WDR70: variants seen among roughly 807,000 people sequenced by gnomAD.
The protein encoded by WDR70 is WD repeat-containing protein 70.
In WDR70, 53 loss-of-function variants were observed where a neutral mutation model predicts 88.6. That is an observed-to-expected ratio of 0.60 (90% CI 0.48 to 0.75). WDR70 has a LOEUF of 0.75. Among genes scored for constraint, WDR70 ranks in the 30% least tolerant of loss-of-function variants. The pLI, the probability that WDR70 is intolerant of heterozygous loss-of-function variation, is 0.00. For synonymous variants in WDR70, 280 were observed against 270.0 expected, an observed-to-expected ratio of 1.04 and a Z score of -0.36; for missense variants, 610 against 823.2, an observed-to-expected ratio of 0.74 and a Z score of 3.17.
At chr5:37,444,515 A>AT (rs1333337101) in intron 7 of WDR70, among the ~76,000 whole-genome samples, 2 of 151,454 alleles carry the variant, frequency 1.3e-5, no homozygotes, top group Non-Finnish European at 2.9e-5. Flanking sequence ...TAATTTTTGT[A>AT]TTTTTTTGGT....
chr5:37,692,778 T>C (rs1387220720), intron 10 of WDR70, among the ~76,000 whole-genome samples: 1 of 152,140 alleles, frequency 6.6e-6, no homozygotes, highest in Non-Finnish European at 1.5e-5. Context: ...GGGCAAAAAC[T>C]GGAAGCATTC....
rs1298996224 is a variant in WDR70, at chr5:37,728,924, C to G, written c.1877+1879C>G. Among the ~76,000 whole-genome samples the G allele has an allele frequency of 2.0e-5, 3 of 152,150 alleles. No homozygotes were observed. The East Asian group carries it at 5.8e-4, about 29-fold the overall frequency. On this transcript the variant is annotated intron_variant, in intron 17 of 17. Coordinates refer to ENST00000265107, the MANE Select transcript of WDR70 (RefSeq NM_018034.4). ...CTGTGTTTATTAATTGGAATTCTAC[C>G]TAGAGGAAAAGTTGTTCCTTCTCCC...
chr5:37,539,651 T>C (rs1741758966), intron 9 of WDR70, among the ~76,000 whole-genome samples: 2 of 152,322 alleles, frequency 1.3e-5, no homozygotes, highest in East Asian at 1.9e-4. Context: ...CTTGCACACA[T>C]GTACAAACCT....
intron 9 of WDR70, among the ~76,000 whole-genome samples, chr5:37,602,194 T>G (rs1017425839): frequency 1.2e-4 from 19 of 152,112 alleles, no homozygotes; most frequent in African/African-American, 4.6e-4. Flanking sequence ...ATTCTGCACA[T>G]GTACCCCAGA....
chr5:37,642,538 A>T (rs1268042621), intron 10 of WDR70, among the ~76,000 whole-genome samples: 1 of 152,150 alleles, frequency 6.6e-6, no homozygotes, highest in African/African-American at 2.4e-5. Context: ...TCCTTTCTTC[A>T]TGTTACAAAC....
At chr5:37,651,289 A>G (rs1745404065) in intron 10 of WDR70, among the ~76,000 whole-genome samples, 1 of 152,202 alleles carries the variant, frequency 6.6e-6, no homozygotes, top group African/African-American at 2.4e-5. Flanking sequence ...AAAGGACATG[A>G]ACTCATCCTT....
At chr5:37,467,128 G>A in intron 7 of WDR70, among the ~76,000 whole-genome samples, 1 of 150,832 alleles carries the variant, frequency 6.6e-6, no homozygotes, top group Non-Finnish European at 1.5e-5. Flanking sequence ...TTGGGAGGTT[G>A]AGGTGGGAGA....
chr5:37,629,871 T>A (rs1431593748), intron 10 of WDR70, among the ~76,000 whole-genome samples: 2 of 152,246 alleles, frequency 1.3e-5, no homozygotes, highest in Non-Finnish European at 2.9e-5. Context: ...CTGTATTAAT[T>A]TCTGTGAATC....
At chr5:37,486,426 C>G (rs1404321920) in intron 8 of WDR70, among the ~76,000 whole-genome samples, 1 of 151,996 alleles carries the variant, frequency 6.6e-6, no homozygotes, top group Non-Finnish European at 1.5e-5. Flanking sequence ...TCACTACAAC[C>G]TCTGTCTCCC....
At chr5:37,488,076 G>GC (rs1316792580) in intron 8 of WDR70, among the ~76,000 whole-genome samples, 2 of 129,644 alleles carry the variant, frequency 1.5e-5, no homozygotes, top group East Asian at 5.1e-4. Flanking sequence ...GTCTTGGGTG[G>GC]CTTTTTTTTT....
At chr5:37,431,499 A>AT (rs1435938720) in intron 5 of WDR70, among the ~76,000 whole-genome samples, 1 of 152,064 alleles carries the variant, frequency 6.6e-6, no homozygotes, top group African/African-American at 2.4e-5. Context: ...TATACTGGTA[A>AT]TTTCCTAGTT....
intron 5 of WDR70, among the ~76,000 whole-genome samples, chr5:37,420,806 C>T (rs950814356): frequency 1.3e-5 from 2 of 151,870 alleles, no homozygotes; most frequent in South Asian, 2.1e-4. Flanking sequence ...CCCAGCTACT[C>T]GGGAGGCTAA....
chr5:37,652,995 AG>A (rs914845658), intron 10 of WDR70, among the ~76,000 whole-genome samples: 29 of 152,220 alleles, frequency 1.9e-4, no homozygotes, highest in African/African-American at 6.5e-4. Flanking sequence ...GAGTGGTGGG[AG>A]GGGGCATCCT....
chr5:37,437,767 A>G (rs1030703138), intron 5 of WDR70, among the ~76,000 whole-genome samples, 155 bp from the exon 6 acceptor site: 8 of 152,138 alleles, frequency 5.3e-5, no homozygotes, highest in African/African-American at 1.9e-4. Flanking sequence ...GTGTAGAAAA[A>G]AGATACTCTC....
At chr5:37,419,666 T>A (rs1046999857) in intron 5 of WDR70, among the ~76,000 whole-genome samples, 33 of 151,708 alleles carry the variant, frequency 2.2e-4, no homozygotes, top group Non-Finnish European at 3.7e-4. Flanking sequence ...ATACAAAAAA[T>A]TAACCGGGTG....
intron 9 of WDR70, among the ~76,000 whole-genome samples, chr5:37,524,267 A>C (rs1461299840): frequency 6.6e-6 from 1 of 152,236 alleles, no homozygotes. Flanking sequence ...GCCCATCAGA[A>C]TAACAGCTGA....
At chr5:37,516,882 C>T (rs191213487) in intron 9 of WDR70, among the ~76,000 whole-genome samples, 2 of 151,618 alleles carry the variant, frequency 1.3e-5, no homozygotes, top group Admixed American at 1.3e-4. Context: ...ACCACCACAC[C>T]CGGCTAATTT....
At chr5:37,605,020 C>T (rs767220936) in intron 9 of WDR70, 44 bp from the exon 10 acceptor site, 8 of 1,334,260 alleles carry the variant, frequency 6.0e-6, no homozygotes, top group South Asian at 5.1e-5. Context: ...CCCCCTCCTT[C>T]TTTTTTTTTT....
chr5:37,693,622 A>G (rs1327322049), intron 10 of WDR70, among the ~76,000 whole-genome samples: 2 of 152,270 alleles, frequency 1.3e-5, no homozygotes, highest in Non-Finnish European at 2.9e-5. Context: ...TCCCTATTTA[A>G]TAAATGGTGC....
Sources: allele counts gnomAD v4.1 joint callset (sites outside exome capture counted in the v4.1 genomes callset), GRCh38; gene constraint gnomAD v4.1.1; transcripts MANE v1.5; gene names NCBI Gene and HGNC (gene_info 2026-07-23, HGNC 2026-07-21).